ACOD1: variants seen among roughly 807,000 people sequenced by gnomAD.
ACOD1 encodes aconitate decarboxylase 1.
A neutral mutation model predicts 14.2 loss-of-function variants in ACOD1; 14 were observed. That is an observed-to-expected ratio of 0.99 (90% CI 0.65 to 1.54). ACOD1 has a LOEUF of 1.54. Ranked by LOEUF, ACOD1 falls within the 40% of genes most tolerant of loss-of-function variation. ACOD1 has a pLI of 0.00. For missense variants in ACOD1, 530 were observed against 586.3 expected (o/e 0.90, Z 0.99); for synonymous variants, 182 against 221.7 (o/e 0.82, Z 1.59).
At chr13:76,951,290 C>G (rs181216082) in intron 1 of ACOD1, among the ~76,000 whole-genome samples, 2 of 152,112 alleles carry the variant, frequency 1.3e-5, no homozygotes, top group African/African-American at 4.8e-5. Flanking sequence ...GGCGGGAGTG[C>G]GGTGGCATGA....
intron 1 of ACOD1, 102 bp from the exon 2 acceptor site, chr13:76,952,387 G>A (rs2033830474): frequency 1.0e-6 from 1 of 994,620 alleles, no homozygotes; most frequent in Non-Finnish European, 1.4e-6. Context: ...TCTTGTAGTG[G>A]AGCAAAACTC....
At chr13:76,952,130 C>T (rs1476841701) in intron 1 of ACOD1, among the ~76,000 whole-genome samples, 1 of 152,134 alleles carries the variant, frequency 6.6e-6, no homozygotes, top group Non-Finnish European at 1.5e-5. Flanking sequence ...GTGCACTGCA[C>T]CCGCAGAAAT....
At position 76,948,704 on chromosome 13, in the gene ACOD1, A is replaced by C. The variant is rs2033792847; in HGVS notation, c.12+134A>C. On this transcript the variant is annotated intron_variant, in intron 1 of 4. Coordinates refer to ENST00000377462, the MANE Select transcript of ACOD1 (RefSeq NM_001258406.2). Reference sequence around the variant, plus strand: ...TAACTTTTCTTTCAACCTGTGGGCTACCTAATTAACTGCATGGTGGCTTTC... The same window carrying C: ...TAACTTTTCTTTCAACCTGTGGGCTCCCTAATTAACTGCATGGTGGCTTTC... The C allele has an allele frequency of 7.7e-6, 5 of 650,158 alleles. No individual in the cohort carries two copies. The East Asian group carries it at 1.4e-4, about 19-fold the overall frequency. 40.3% of individuals were successfully genotyped at this position (650,158 alleles called of 1,614,324 possible).
At position 76,956,912 on chromosome 13, in the gene ACOD1, C is replaced by G. The variant is rs907454215; in HGVS notation, c.471-98C>G. ...AATGGAGCTGAGATCTGAACCCAGA[C>G]AGTGTGACTCCATTATCAATGTTCT... On this transcript the variant is annotated intron_variant, in intron 4 of 4. Coordinates refer to ENST00000377462, the MANE Select transcript of ACOD1 (RefSeq NM_001258406.2). 12 of 1,265,028 alleles carry G rather than the reference C, an allele frequency of 9.5e-6. No homozygotes were observed. The African/African-American group carries it at 1.8e-4, about 19-fold the overall frequency. 78.4% of individuals were successfully genotyped at this position (1,265,028 alleles called of 1,614,324 possible).
In ACOD1 at chr13:76,957,639, G is replaced by A. The variant is rs371919003; in HGVS notation, c.1100G>A (p.Ser367Asn). 1.2e-5 allele frequency: 19 copies of A among 1,550,666 alleles called. No homozygotes were observed. The highest frequency in any genetic ancestry group is 9.8e-5 in the East Asian group (4 of 40,932). ...INRPQVRELL[S>N]KVELEYPPDN... is the part of the protein sequence containing the mutation. The stretch of plus-strand genomic sequence containing the variant: ...AGGCCACAGGTGAGAGAGCTGCTCA[G>A]TAAGGTGGAGCTGGAGTACCCTCCG... Residue 367 changes from serine to asparagine, a missense_variant, in exon 5 of 5, where the codon AGT becomes AAT. Coordinates refer to ENST00000377462, the MANE Select transcript of ACOD1 (RefSeq NM_001258406.2).
intron 1 of ACOD1, among the ~76,000 whole-genome samples, chr13:76,951,687 C>T (rs1489134538): frequency 6.6e-6 from 1 of 152,130 alleles, no homozygotes; most frequent in Non-Finnish European, 1.5e-5. Flanking sequence ...GCTCAGTAGC[C>T]ACATTAGGGA....
chr13:76,955,790 G>A (rs2033869846), intron 4 of ACOD1, among the ~76,000 whole-genome samples: 1 of 152,230 alleles, frequency 6.6e-6, no homozygotes, highest in South Asian at 2.1e-4. Context: ...TGGGTGTACT[G>A]AGTATTCCTT....
chr13:76,955,126 C>CAAAAA (rs34230053), intron 3 of ACOD1, among the ~76,000 whole-genome samples, 193 bp from the exon 4 acceptor site: 2 of 98,870 alleles, frequency 2.0e-5, no homozygotes, highest in African/African-American at 4.8e-5. Flanking sequence ...GACTCTGTCT[C>CAAAAA]AAAAAAAAAA....
intron 3 of ACOD1, among the ~76,000 whole-genome samples, chr13:76,955,063 G>A (rs1394474923): frequency 6.8e-6 from 1 of 146,934 alleles, no homozygotes; most frequent in Non-Finnish European, 1.5e-5. Flanking sequence ...GGAGGCAGAG[G>A]TTGCAGTGAG....
Position 76,957,318 on chromosome 13 carries a change from A to G in ACOD1, c.779A>G (p.Tyr260Cys), listed in dbSNP as rs2033887837. 1 of 1,550,642 alleles carries G rather than the reference A, an allele frequency of 6.4e-7. No homozygotes were observed. Among genetic ancestry groups the G allele is most frequent in the Non-Finnish European group, 8.7e-7 (1 of 1,147,006 alleles). ...SPKVLPSIAS[Y>C]SWLLDQQDVA... ...AAAGTCCTTCCAAGCATAGCTTCCTACAGTTGGCTGCTGGACCAGCAGGAC... is the reference window on the plus strand; with the variant it reads ...AAAGTCCTTCCAAGCATAGCTTCCTGCAGTTGGCTGCTGGACCAGCAGGAC... The change falls in exon 5 of 5, where the codon TAC becomes TGC. Residue 260 changes from tyrosine to cysteine, a missense_variant. Physicochemically the swap from Tyr to Cys is radical, Grantham distance 194 (BLOSUM62 -2). Coordinates refer to ENST00000377462, the MANE Select transcript of ACOD1 (RefSeq NM_001258406.2).
At position 76,949,408 on chromosome 13, in the gene ACOD1, C is replaced by T. The variant is rs146395519; in HGVS notation, c.12+838C>T. Among the ~76,000 whole-genome samples, 269 of 152,198 alleles carry T rather than the reference C, an allele frequency of 1.8e-3. 1 individual carries two copies. Among genetic ancestry groups the T allele is most frequent in the African/African-American group, 6.3e-3 (260 of 41,508 alleles). ...AGAAGATATTTTGGAAATAGATGAA[C>T]GCAAGGACCACAGACAGCTGAGCAG... On this transcript the variant is annotated intron_variant, in intron 1 of 4. Coordinates refer to ENST00000377462, the MANE Select transcript of ACOD1 (RefSeq NM_001258406.2).
intron 4 of ACOD1, among the ~76,000 whole-genome samples, chr13:76,956,029 C>T (rs907596392): frequency 2.0e-5 from 3 of 152,268 alleles, no homozygotes; most frequent in African/African-American, 7.2e-5. Context: ...CTTCAAGGCC[C>T]ACAATTCTCA....
At chr13:76,955,126 C>CAAAAAA (rs34230053) in intron 3 of ACOD1, among the ~76,000 whole-genome samples, 193 bp from the exon 4 acceptor site, 1 of 98,868 alleles carries the variant, frequency 1.0e-5, no homozygotes, top group African/African-American at 4.8e-5. Context: ...GACTCTGTCT[C>CAAAAAA]AAAAAAAAAA....
Position 76,955,126 on chromosome 13 carries a change from CAAAAAAAA to C in ACOD1, c.265-174_265-167del, listed in dbSNP as rs34230053. On this transcript the variant is annotated intron_variant, in intron 3 of 4. Coordinates refer to ENST00000377462, the MANE Select transcript of ACOD1 (RefSeq NM_001258406.2). Reference sequence around the variant, plus strand: ...TAGGTGACAGAGCAAGACTCTGTCTCAAAAAAAAAAAAAAAAAAAAAAAAAAGAAAAAA... The same window carrying C: ...TAGGTGACAGAGCAAGACTCTGTCTCAAAAAAAAAAAAAAAAAAGAAAAAA... Among the ~76,000 whole-genome samples the C allele has an allele frequency of 1.9e-3, 192 of 98,856 alleles. 1 individual carries two copies. Among genetic ancestry groups the C allele is most frequent in the African/African-American group, 6.7e-3 (139 of 20,786 alleles). The allele number at this position is 98,856 out of a possible 152,430, so 64.9% of individuals were successfully genotyped here.
At chr13:76,949,134 G>A (rs2033798785) in intron 1 of ACOD1, among the ~76,000 whole-genome samples, 1 of 152,116 alleles carries the variant, frequency 6.6e-6, no homozygotes, top group Non-Finnish European at 1.5e-5. Context: ...GGGCGTGGTG[G>A]CAGGCGCCCG....
rs41287034 is a variant in ACOD1 at position 76,957,226 on chromosome 13, C to T, written c.687C>T (p.Leu229=). ...IEAAFLAMLG[L]QGNKQVLDLE... The stretch of plus-strand genomic sequence containing the variant: ...CTGCATTTTTGGCAATGTTGGGTCT[C>T]CAAGGAAACAAGCAGGTCTTGGACT... Residue 229 remains leucine, a synonymous_variant, in exon 5 of 5, where the codon CTC becomes CTT. Coordinates refer to ENST00000377462, the MANE Select transcript of ACOD1 (RefSeq NM_001258406.2). The T allele has an allele frequency of 0.063, 97,321 of 1,550,618 alleles. 3,530 individuals carry two copies. Among genetic ancestry groups the T allele is most frequent in the Non-Finnish European group, 0.074 (85,072 of 1,146,990 alleles).
intron 4 of ACOD1, among the ~76,000 whole-genome samples, chr13:76,956,768 C>T (rs1199874740): frequency 6.6e-6 from 1 of 152,224 alleles, no homozygotes; most frequent in Non-Finnish European, 1.5e-5. Flanking sequence ...CCACCTTGGC[C>T]TCCCAAAGTC....
chr13:76,957,592 A>C lies in ACOD1; in HGVS notation c.1053A>C (p.Ser351=), dbSNP rs550198490. Residue 351 remains serine, a synonymous_variant, in exon 5 of 5, where the codon TCA becomes TCC. Coordinates refer to ENST00000377462, the MANE Select transcript of ACOD1 (RefSeq NM_001258406.2). ...TTGATGGTGGCATCACTGTCCCCTC[A>C]TTCCATGAATGCCAGATCAACAGGC... is the stretch of plus-strand genomic sequence containing the variant. ...MLLDGGITVP[S]FHECQINRPQ... The C allele has an allele frequency of 5.6e-4, 863 of 1,550,604 alleles. 10 individuals carry two copies. In the South Asian group the frequency reaches 9.8e-3, roughly 18 times the overall value.
rs1339126144 is a variant in ACOD1, at chr13:76,955,474, G to A, written c.420G>A (p.Val140=). The A allele has an allele frequency of 1.9e-6, 3 of 1,550,676 alleles. No homozygotes were observed. Among genetic ancestry groups the A allele is most frequent in the South Asian group, 1.2e-5 (1 of 84,064 alleles). The change falls in exon 4 of 5, where the codon GTG becomes GTA. Residue 140 remains valine (V), a synonymous_variant. Transcript: ENST00000377462. ...TGGCTTTCAATGTTGGTATTGAAGT[G>A]CAAGGCCGATTACTGCATTTCGCCA... ...LLLAFNVGIE[V]QGRLLHFAKE...
Sources: gnomAD v4.1 joint callset for allele counts (sites outside exome capture counted in the v4.1 genomes callset) on GRCh38, gnomAD v4.1.1 for gene constraint, MANE v1.5 for transcripts, NCBI Gene and HGNC (gene_info 2026-07-23, HGNC 2026-07-21) for gene names.